The following TNFSF10 variants were observed in gnomAD, a reference collection of about 807,000 sequenced individuals.
TNFSF10 encodes TNF superfamily member 10, also known as tumor necrosis factor ligand superfamily member 10.
A neutral mutation model predicts 29.5 loss-of-function variants in TNFSF10; 13 were observed. The observed-to-expected ratio is 0.44, with a 90% CI of 0.29 to 0.70. The LOEUF is 0.70. Among genes scored for constraint, TNFSF10 ranks in the 30% least tolerant of loss-of-function variants. TNFSF10 has a pLI of 0.13. For missense variants in TNFSF10, 345 were observed against 330.9 expected, an observed-to-expected ratio of 1.04 and a Z score of -0.33; for synonymous variants, 111 against 112.8, an observed-to-expected ratio of 0.98 and a Z score of 0.10.
At chr3:172,507,412 T>G (rs1438815137) in intron 4 of TNFSF10, 6 of 152,546 alleles carry the variant, frequency 3.9e-5, no homozygotes, top group African/African-American at 1.4e-4. Context: ...CTTTCTCAGC[T>G]CTCCAGAGTC....
chr3:172,508,986 A>G (rs1390005207), intron 4 of TNFSF10, among the ~76,000 whole-genome samples: 1 of 152,180 alleles, frequency 6.6e-6, no homozygotes, highest in Non-Finnish European at 1.5e-5. Context: ...AACTGCAAAG[A>G]CAAAATTCTC....
chr3:172,522,367 CA>C, intron 1 of TNFSF10: 1 of 1,333,738 alleles, frequency 7.5e-7, no homozygotes, highest in Non-Finnish European at 1.1e-6. Flanking sequence ...ATCACAGTAA[CA>C]AGGCCCTATT....
chr3:172,522,488 T>C, intron 1 of TNFSF10: 2 of 1,094,502 alleles, frequency 1.8e-6, no homozygotes, highest in Non-Finnish European at 2.8e-6. Context: ...ACTGTGCACC[T>C]TTTAAAACCT....
chr3:172,506,587 T>A lies in TNFSF10; in HGVS notation c.751A>T (p.Lys251Ter). 1 of 1,614,154 alleles carries A rather than the reference T, an allele frequency of 6.2e-7. No individual in the cohort carries two copies. The highest frequency in any genetic ancestry group is 1.1e-5 in the South Asian group (1 of 91,082). Reference sequence around the variant, plus strand: ...GAAACAAAAATTCTGTCATTTTCCTTAAGCTCAAATATTCCCCCTTGATAG... The same window carrying A: ...GAAACAAAAATTCTGTCATTTTCCTAAAGCTCAAATATTCCCCCTTGATAG... ...SIYQGGIFEL[K>*]ENDRIFVSVT... Residue 251 changes from lysine to a stop codon, truncating the protein, a stop_gained, in exon 5 of 5, where the codon AAG becomes TAG. Coordinates refer to ENST00000241261, the MANE Select transcript of TNFSF10 (RefSeq NM_003810.4). LOFTEE classifies it high-confidence loss of function.
At chr3:172,516,036 G>C (rs1332007279) in intron 1 of TNFSF10, among the ~76,000 whole-genome samples, 1 of 152,168 alleles carries the variant, frequency 6.6e-6, no homozygotes. Context: ...GCCGAGGCGG[G>C]TGAATCACAA....
chr3:172,518,232 C>T (rs1392992541), intron 1 of TNFSF10: 8 of 1,137,536 alleles, frequency 7.0e-6, no homozygotes, highest in Non-Finnish European at 8.7e-6. Flanking sequence ...AAAGAAAGCT[C>T]TTGCACTGGG....
In TNFSF10 at chr3:172,507,205, C is replaced by A. The variant is rs1296865174; in HGVS notation, c.419-286G>T. On this transcript the variant is annotated intron_variant, in intron 4 of 4. Transcript: ENST00000241261. ...ACATGTGTCACACTTAGAATGGTAG[C>A]ACAAGGGATGGCCCACTCAGATAGC... 1.1e-5 allele frequency: 4 copies of A among 371,040 alleles called. No homozygotes were observed. The East Asian group carries it at 2.1e-4, about 19-fold the overall frequency. 23.0% of individuals were successfully genotyped at this position (371,040 alleles called of 1,614,324 possible). A position where few individuals can be genotyped will look rare whatever the true frequency, so the allele number is the denominator to read the frequency against.
At position 172,523,174 on chromosome 3, in the gene TNFSF10, GC is replaced by G. The variant is rs1247254820; in HGVS notation, c.132+78del. On this transcript the variant is annotated intron_variant, in intron 1 of 4. Transcript: ENST00000241261. ...GAAGCAGGAAAGTCTTCAGAGAGGG[GC>G]AAGCTGACATGCAAAGAAGCAGGTA... is the stretch of plus-strand genomic sequence containing the variant. 15 of 1,475,312 alleles carry G rather than the reference GC, an allele frequency of 1.0e-5. No individual in the cohort carries two copies. In the Admixed American group the frequency reaches 2.1e-4, roughly 21 times the overall value. The allele number at this position is 1,475,312 out of a possible 1,614,324, so 91.4% of individuals were successfully genotyped here.
At chr3:172,519,111 A>G (rs571247335) in intron 1 of TNFSF10, among the ~76,000 whole-genome samples, 1 of 152,352 alleles carries the variant, frequency 6.6e-6, no homozygotes, top group South Asian at 2.1e-4. Context: ...TAGAATTGTT[A>G]TGAGAATTGA....
At chr3:172,518,534 A>C in intron 1 of TNFSF10, 1 of 1,179,374 alleles carries the variant, frequency 8.5e-7, no homozygotes, top group Non-Finnish European at 1.1e-6. Context: ...TTTCCTCCCC[A>C]TCTATGATGT....
rs1000074747 is a variant in TNFSF10 at position 172,505,606 on chromosome 3, T to A, written c.*886A>T. The stretch of plus-strand genomic sequence containing the variant: ...AAGTCTTTTCCCCCATTTTTAGTAA[T>A]CTTGATATTATGAAACAAGTGAGTA... On this transcript the variant is annotated 3_prime_UTR_variant, in exon 5 of 5. Transcript: ENST00000241261. The A allele has an allele frequency of 6.6e-6, 1 of 152,094 alleles. No individual in the cohort carries two copies. The highest frequency in any genetic ancestry group is 2.4e-5 in the African/African-American group (1 of 41,408). The allele number at this position is 152,094 out of a possible 1,614,324, so 9.4% of individuals were successfully genotyped here.
chr3:172,511,527 G>A (rs1302291897), intron 3 of TNFSF10, 90 bp downstream of exon 3: 1 of 1,071,100 alleles, frequency 9.3e-7, no homozygotes, highest in Non-Finnish European at 1.3e-6. Context: ...ATGAGTGGAT[G>A]AGAACACAGA....
In TNFSF10 at chr3:172,518,497, A is replaced by C. The variant is rs754099223; in HGVS notation, c.133-3499T>G. ...ATAGCATAAAGGATCATTTATGGAG[A>C]TCCGTGGAGAGGAAGCCCTTCTCCT... On this transcript the variant is annotated intron_variant, in intron 1 of 4. Transcript: ENST00000241261. The C allele has an allele frequency of 6.3e-6, 8 of 1,276,968 alleles. No individual in the cohort carries two copies. In the South Asian group the frequency reaches 1.0e-4, roughly 16 times the overall value. 79.1% of individuals were successfully genotyped at this position (1,276,968 alleles called of 1,614,324 possible).
chr3:172,509,910 C>T (rs995676533), intron 3 of TNFSF10, among the ~76,000 whole-genome samples: 11 of 145,862 alleles, frequency 7.5e-5, no homozygotes, highest in African/African-American at 2.5e-4. Context: ...ATCCAGGAGG[C>T]GGAGCTTGCA....
chr3:172,519,193 A>G (rs2108449985), intron 1 of TNFSF10, among the ~76,000 whole-genome samples: 1 of 152,366 alleles, frequency 6.6e-6, no homozygotes, highest in Non-Finnish European at 1.5e-5. Flanking sequence ...CTAGCTTTCT[A>G]GCACTCTCAA....
At chr3:172,509,169 A>G (rs751355791) in intron 4 of TNFSF10, 48 bp downstream of exon 4, 132 of 1,491,600 alleles carry the variant, frequency 8.8e-5, no homozygotes, top group Non-Finnish European at 1.2e-4. Context: ...ACTTGGCACA[A>G]TCCTTCCATT....
chr3:172,515,134 A>G, intron 1 of TNFSF10, 136 bp from the exon 2 acceptor site: 1 of 1,147,602 alleles, frequency 8.7e-7, no homozygotes, highest in Non-Finnish European at 1.2e-6. Context: ...TGTTTGAAAT[A>G]AAAGTAAGCA....
At chr3:172,517,288 A>G (rs980257790) in intron 1 of TNFSF10, 4 of 976,548 alleles carry the variant, frequency 4.1e-6, no homozygotes, top group Non-Finnish European at 3.6e-6. Flanking sequence ...GTTAGCACCA[A>G]TTGCTGGCTA....
intron 1 of TNFSF10, among the ~76,000 whole-genome samples, chr3:172,522,999 C>T (rs1025573726): frequency 1.3e-5 from 2 of 152,156 alleles, no homozygotes; most frequent in South Asian, 4.1e-4. Flanking sequence ...AACAAAAAAT[C>T]CCTCAGGAGT....
Sources: allele counts gnomAD v4.1 joint callset (sites outside exome capture counted in the v4.1 genomes callset), GRCh38; gene constraint gnomAD v4.1.1; transcripts MANE v1.5; gene names NCBI Gene and HGNC (gene_info 2026-07-23, HGNC 2026-07-21).